PURG: variants seen among roughly 807,000 people sequenced by gnomAD.
PURG encodes purine-rich element-binding protein gamma.
PURG carries 3 observed loss-of-function variants against 24.3 expected under a neutral mutation model. That is an observed-to-expected ratio of 0.12 (90% CI 0.06 to 0.32). The LOEUF is 0.32. Ranked by LOEUF, PURG falls within the 10% of genes least tolerant of loss-of-function variation. The pLI is 1.00. For synonymous variants in PURG, 180 were observed against 173.1 expected, an observed-to-expected ratio of 1.04 and a Z score of -0.31; for missense variants, 371 against 439.1, an observed-to-expected ratio of 0.84 and a Z score of 1.39.
exon 2 of PURG, chr8:30,996,440 G>C (rs1810429120): frequency 3.8e-6 from 2 of 523,468 alleles, no homozygotes; most frequent in South Asian, 6.5e-5. Flanking sequence ...TTCAACATAA[G>C]ATCAGTTTGG....
intron 1 of PURG, among the ~76,000 whole-genome samples, chr8:31,011,522 A>T (rs1810763373): frequency 6.6e-6 from 1 of 152,236 alleles, no homozygotes; most frequent in Non-Finnish European, 1.5e-5. Context: ...GACAGTATGT[A>T]GATAATCATA....
intron 1 of PURG, among the ~76,000 whole-genome samples, chr8:31,023,563 T>C (rs1038817478): frequency 6.7e-6 from 1 of 149,624 alleles, no homozygotes; most frequent in Non-Finnish European, 1.5e-5. Flanking sequence ...AAAAAAGTAA[T>C]AATAAATAAA....
rs112659479 is a variant in PURG at position 31,003,388 on chromosome 8, T to A, written c.865-6691A>T. Reference sequence around the variant, plus strand: ...ATTTCTTATTTCTTTTGGGTACCATTATTTTTTTTTTCCCACTGAAGTGAT... The same window carrying A: ...ATTTCTTATTTCTTTTGGGTACCATAATTTTTTTTTTCCCACTGAAGTGAT... On this transcript the variant is annotated intron_variant, in intron 1 of 1. Coordinates refer to the PURG transcript ENST00000339382. 2.4e-3 allele frequency among the ~76,000 whole-genome samples: 269 copies of A among 112,134 alleles called. 1 individual carries two copies. The highest frequency in any genetic ancestry group is 6.1e-3 in the African/African-American group (245 of 40,084). The allele number at this position is 112,134 out of a possible 152,430, so 73.6% of individuals were successfully genotyped here. A position where few individuals can be genotyped will look rare whatever the true frequency, so the allele number is the denominator to read the frequency against.
At chr8:31,016,288 G>A (rs908476170) in intron 1 of PURG, among the ~76,000 whole-genome samples, 6 of 152,056 alleles carry the variant, frequency 3.9e-5, no homozygotes, top group Non-Finnish European at 7.4e-5. Flanking sequence ...GCCGAGGCAT[G>A]AGAATCACTT....
At chr8:31,001,477 C>G (rs983967545) in intron 1 of PURG, among the ~76,000 whole-genome samples, 2 of 152,178 alleles carry the variant, frequency 1.3e-5, no homozygotes, top group African/African-American at 4.8e-5. Context: ...ATAATGATCT[C>G]ATGTAGCTTC....
intron 1 of PURG, among the ~76,000 whole-genome samples, chr8:30,997,657 C>T (rs141207931): frequency 2.5e-3 from 376 of 151,124 alleles, no homozygotes; most frequent in Non-Finnish European, 4.2e-3. Context: ...AGTGTACTGC[C>T]CCTCAAGCAA....
intron 1 of PURG, among the ~76,000 whole-genome samples, chr8:31,016,154 C>G (rs1810859623): frequency 2.0e-5 from 3 of 151,912 alleles, no homozygotes; most frequent in African/African-American, 7.3e-5. Context: ...CCAAGGCGGG[C>G]AGGTCAGCTG....
chr8:31,032,494 G>T lies in PURG; in HGVS notation c.289C>A (p.Gln97Lys). Reference protein sequence around the residue: ...IAEVWIGRGRQDNIRKSKLTL... With the variant: ...IAEVWIGRGRKDNIRKSKLTL... Reference sequence around the variant, plus strand: ...AGTTTACTCTTTCTGATGTTGTCCTGCCGGCCTCTCCCTATCCAGACTTCG... The same window carrying T: ...AGTTTACTCTTTCTGATGTTGTCCTTCCGGCCTCTCCCTATCCAGACTTCG... The change falls in exon 2 of 2, where the codon CAG becomes AAG. Residue 97 changes from glutamine to lysine, a missense_variant. By Grantham distance (53) the Gln-to-Lys change is moderately conservative (BLOSUM62 1). Around this residue, in one of 5 missense-constraint regions of PURG, gnomAD observed 213 missense variants for 230.6 expected, o/e 0.92. Coordinates refer to ENST00000523392, the MANE Select transcript of PURG (RefSeq NM_001323311.2). This position sits in a 1 kb window ranked among gnomAD's most constrained non-coding sequence, Gnocchi z 5.9. 1 of 1,614,216 alleles carries T rather than the reference G, an allele frequency of 6.2e-7. No homozygotes were observed. The highest frequency in any genetic ancestry group is 8.5e-7 in the Non-Finnish European group (1 of 1,180,048).
chr8:30,996,884 T>C (rs1810439020), intron 1 of PURG, among the ~76,000 whole-genome samples: 1 of 151,700 alleles, frequency 6.6e-6, no homozygotes, highest in Non-Finnish European at 1.5e-5. Context: ...GCATAAGAAA[T>C]GTGTAATAAG....
Position 31,032,432 on chromosome 8 carries a change from G to C in PURG, c.351C>G (p.Asp117Glu). The stretch of plus-strand genomic sequence containing the variant: ...AGTGCTCGATGAAGTCCCCTAGACA[G>C]TCCTTCAGCTCCGCTGCCACAGACA... Reference protein sequence around the residue: ...LSLSVAAELKDCLGDFIEHYA... With the variant: ...LSLSVAAELKECLGDFIEHYA... Residue 117 changes from aspartate to glutamate, a missense_variant, in exon 2 of 2, where the codon GAC (aspartate) becomes GAG (glutamate). Coordinates refer to ENST00000523392, the MANE Select transcript of PURG (RefSeq NM_001323311.2). This position sits in a 1 kb window ranked among gnomAD's most constrained non-coding sequence, Gnocchi z 5.9. 1.2e-6 allele frequency: 2 copies of C among 1,614,128 alleles called. No individual in the cohort carries two copies. Among genetic ancestry groups the C allele is most frequent in the Admixed American group, 1.7e-5 (1 of 60,030 alleles).
At chr8:31,014,118 A>T (rs1810811960) in intron 1 of PURG, among the ~76,000 whole-genome samples, 2 of 152,350 alleles carry the variant, frequency 1.3e-5, no homozygotes, top group South Asian at 4.1e-4. Context: ...GAATTATTCC[A>T]GATTATGGAA....
chr8:31,020,687 G>A (rs907061947), intron 1 of PURG, among the ~76,000 whole-genome samples: 4 of 152,134 alleles, frequency 2.6e-5, no homozygotes, highest in African/African-American at 9.7e-5. Flanking sequence ...CTTGTTTCAA[G>A]ATTTGTAAGC....
rs142560556 is a variant in PURG at position 31,002,672 on chromosome 8, T to C, written c.865-5975A>G. Among the ~76,000 whole-genome samples the C allele has an allele frequency of 8.7e-3, 1,328 of 152,160 alleles. 16 individuals carry two copies. Among genetic ancestry groups the C allele is most frequent in the African/African-American group, 0.03 (1,244 of 41,508 alleles). On this transcript the variant is annotated intron_variant, in intron 1 of 1. Coordinates refer to the PURG transcript ENST00000339382. ...CTAATTTTTGTATTTTTCGTAGAGA[T>C]GGTGTTTCACCACGTTGGCCGGGCT... is the stretch of plus-strand genomic sequence containing the variant.
chr8:31,030,034 T>C (rs1811164328), downstream of PURG, among the ~76,000 whole-genome samples: 1 of 151,970 alleles, frequency 6.6e-6, no homozygotes, highest in East Asian at 1.9e-4. Context: ...AACACTAGTA[T>C]ATATGTCGGG....
downstream of PURG, among the ~76,000 whole-genome samples, chr8:31,027,039 C>T (rs1445450368): frequency 1.3e-5 from 2 of 151,672 alleles, no homozygotes; most frequent in Admixed American, 6.6e-5. Flanking sequence ...AACTTCATTG[C>T]TACAGTATGG....
chr8:31,008,134 T>A (rs1242273395), intron 1 of PURG, among the ~76,000 whole-genome samples: 2 of 152,238 alleles, frequency 1.3e-5, no homozygotes, highest in Non-Finnish European at 2.9e-5. Flanking sequence ...TAAAGGTTCC[T>A]ATGGTAAAAG....
chr8:31,025,682 A>G (rs932920382), intron 1 of PURG, among the ~76,000 whole-genome samples: 1 of 151,752 alleles, frequency 6.6e-6, no homozygotes, highest in Non-Finnish European at 1.5e-5. Flanking sequence ...GTCAATAGAA[A>G]AGTCATATCA....
chr8:31,032,710 G>C lies in PURG; in HGVS notation c.73C>G (p.Leu25Val). The part of the protein sequence containing the change: ...RGGKNVGGSG[L>V]SKSRLYPQAQ... ...TGGGGATAGAGTCTACTCTTGCTTAGGCCAGAGCCCCCTACATTCTTGCCT... is the reference window on the plus strand; with the variant it reads ...TGGGGATAGAGTCTACTCTTGCTTACGCCAGAGCCCCCTACATTCTTGCCT... The change falls in exon 2 of 2, where the codon CTA becomes GTA. Residue 25 changes from leucine to valine, a missense_variant. Transcript: ENST00000523392. The surrounding 1 kb of genome is among the most constrained non-coding windows in gnomAD (Gnocchi z 5.9). 1 of 1,498,648 alleles carries C rather than the reference G, an allele frequency of 6.7e-7. No homozygotes were observed. The highest frequency in any genetic ancestry group is 8.9e-7 in the Non-Finnish European group (1 of 1,124,950). The allele number at this position is 1,498,648 out of a possible 1,614,324, so 92.8% of individuals were successfully genotyped here.
chr8:31,016,468 A>G (rs530105566), intron 1 of PURG, among the ~76,000 whole-genome samples: 1 of 150,004 alleles, frequency 6.7e-6, no homozygotes, highest in South Asian at 2.1e-4. Flanking sequence ...ACTTATTAAT[A>G]TTGTAACCAA....
Sources: gnomAD v4.1 joint callset for allele counts (sites outside exome capture counted in the v4.1 genomes callset) on GRCh38, gnomAD v4.1.1 for gene constraint, gnomAD v4.1.1 regional missense constraint, Gnocchi (gnomAD v3.1) non-coding constraint, MANE v1.5 for transcripts, NCBI Gene and HGNC (gene_info 2026-07-23, HGNC 2026-07-21) for gene names.